Variants in ATRNL1 observed in about 807,000 individuals in gnomAD.
ATRNL1 encodes the protein attractin-like protein 1.
Under a neutral mutation model 182.7 loss-of-function variants are expected in ATRNL1, and 95 were observed. That is an observed-to-expected ratio of 0.52 (90% CI 0.44 to 0.62). The LOEUF is 0.62. Ranked by LOEUF, ATRNL1 falls within the 20% of genes least tolerant of loss-of-function variation. ATRNL1 has a pLI of 0.00. For missense variants in ATRNL1, 1,471 were observed against 1,679.5 expected, an observed-to-expected ratio of 0.88 and a Z score of 2.17; for synonymous variants, 576 against 568.3, an observed-to-expected ratio of 1.01 and a Z score of -0.19.
intron 27 of ATRNL1, 39 bp downstream of exon 27, chr10:115,727,394 G>A (rs1555060586): frequency 1.4e-6 from 2 of 1,480,670 alleles, no homozygotes; most frequent in Admixed American, 1.7e-5. Context: ...ACTGTGCTTT[G>A]CATATTTATT....
intron 26 of ATRNL1, among the ~76,000 whole-genome samples, chr10:115,684,444 TTC>T (rs1349020634): frequency 1.4e-5 from 2 of 144,900 alleles, no homozygotes; most frequent in African/African-American, 2.4e-5. Context: ...TAAAAAAAGT[TTC>T]TGTTTTTTTT....
At chr10:115,240,546 C>T (rs1850374996) in intron 9 of ATRNL1, among the ~76,000 whole-genome samples, 2 of 151,996 alleles carry the variant, frequency 1.3e-5, no homozygotes, top group Non-Finnish European at 2.9e-5. Flanking sequence ...GAGACAACAC[C>T]ACGCCTGGCT....
chr10:115,470,581 T>C (rs888988051), intron 24 of ATRNL1, among the ~76,000 whole-genome samples: 1 of 150,658 alleles, frequency 6.6e-6, no homozygotes, highest in Non-Finnish European at 1.5e-5. Context: ...TATTTTAAAT[T>C]GCTTCCTATC....
intron 9 of ATRNL1, among the ~76,000 whole-genome samples, chr10:115,228,828 C>A (rs1849809972): frequency 6.8e-6 from 1 of 147,574 alleles, no homozygotes; most frequent in African/African-American, 2.5e-5. Context: ...TGCAGTGGCA[C>A]AATCTCGGCT....
chr10:115,474,818 A>C lies in ATRNL1; in HGVS notation c.3654+5489A>C, dbSNP rs376914042. 2.5e-4 allele frequency among the ~76,000 whole-genome samples: 38 copies of C among 151,606 alleles called. 1 individual carries two copies. In the South Asian group the frequency reaches 7.7e-3, roughly 31 times the overall value. On this transcript the variant is annotated intron_variant, in intron 24 of 28. Transcript: ENST00000355044. ...AAATAGCCCTTTTTGAATAATTACAAAGTAAACAGTTCTTCAATACCCTGC... is the reference window on the plus strand; with the variant it reads ...AAATAGCCCTTTTTGAATAATTACACAGTAAACAGTTCTTCAATACCCTGC...
intron 17 of ATRNL1, among the ~76,000 whole-genome samples, 183 bp downstream of exon 17, chr10:115,302,226 C>T (rs1853508216): frequency 6.6e-6 from 1 of 152,114 alleles, no homozygotes; most frequent in African/African-American, 2.4e-5. Flanking sequence ...ATTTTGCATG[C>T]CACTAAGTAT....
intron 21 of ATRNL1, among the ~76,000 whole-genome samples, chr10:115,456,065 AAGAC>A (rs1164514748): frequency 2.6e-5 from 4 of 152,150 alleles, no homozygotes; most frequent in African/African-American, 7.2e-5. Context: ...ACCATTGTGA[AAGAC>A]AGTGTGGCAA....
chr10:115,404,002 C>A (rs1366124919), intron 20 of ATRNL1, among the ~76,000 whole-genome samples: 1 of 152,070 alleles, frequency 6.6e-6, no homozygotes, highest in African/African-American at 2.4e-5. Flanking sequence ...TTAAGGTTGG[C>A]CAGTATGAAA....
chr10:115,317,191 G>A (rs969809367), intron 18 of ATRNL1, among the ~76,000 whole-genome samples: 4 of 152,116 alleles, frequency 2.6e-5, no homozygotes, highest in Non-Finnish European at 1.5e-5. Flanking sequence ...CCCGTTGCTT[G>A]CTTTTGTCAG....
intron 26 of ATRNL1, among the ~76,000 whole-genome samples, chr10:115,564,684 G>A (rs1340131642): frequency 1.3e-5 from 2 of 151,834 alleles, no homozygotes; most frequent in African/African-American, 2.4e-5. Flanking sequence ...ATTGCCACCA[G>A]CATTACCCAC....
At chr10:115,113,805 A>T (rs76930661) in intron 1 of ATRNL1, among the ~76,000 whole-genome samples, 1 of 152,126 alleles carries the variant, frequency 6.6e-6, no homozygotes, top group Non-Finnish European at 1.5e-5. Flanking sequence ...AATGTTTTCT[A>T]AGGGCACCTA....
rs376216384 is a variant in ATRNL1, at chr10:115,171,316, T to A, written c.1348+24T>A. On this transcript the variant is annotated intron_variant, in intron 8 of 28. Transcript: ENST00000355044. The stretch of plus-strand genomic sequence containing the variant: ...CTGTGAGTTACTTAAAAATTGTAAT[T>A]TCTTTATTGATTGGGAATGTTTTTC... 74 of 1,517,106 alleles carry A rather than the reference T, an allele frequency of 4.9e-5. No homozygotes were observed. In the African/African-American group the frequency reaches 7.7e-4, roughly 16 times the overall value. The allele number at this position is 1,517,106 out of a possible 1,614,324, so 94.0% of individuals were successfully genotyped here.
chr10:115,496,516 T>C (rs1285732653), intron 24 of ATRNL1, among the ~76,000 whole-genome samples: 2 of 152,206 alleles, frequency 1.3e-5, no homozygotes, highest in African/African-American at 4.8e-5. Flanking sequence ...TTTTTAGCTC[T>C]GTTTATGTGA....
chr10:115,630,770 T>A (rs1592976033), intron 26 of ATRNL1, among the ~76,000 whole-genome samples: 1 of 147,592 alleles, frequency 6.8e-6, no homozygotes, highest in East Asian at 2.0e-4. Flanking sequence ...AATAGATATA[T>A]ATTTAATAGA....
At chr10:115,668,207 C>T (rs1861113128) in intron 26 of ATRNL1, among the ~76,000 whole-genome samples, 1 of 152,054 alleles carries the variant, frequency 6.6e-6, no homozygotes, top group Non-Finnish European at 1.5e-5. Context: ...GTGTGACTCC[C>T]CGGTTCTTAC....
chr10:115,476,195 T>A (rs11197232), intron 24 of ATRNL1, among the ~76,000 whole-genome samples: 2,656 of 151,454 alleles, frequency 0.018, 32 homozygotes, highest in Middle Eastern at 0.031. Context: ...TTCCAAAATG[T>A]TATTTAATTC....
At chr10:115,166,443 GTAAT>G (rs1251908527) in intron 7 of ATRNL1, among the ~76,000 whole-genome samples, 1 of 151,194 alleles carries the variant, frequency 6.6e-6, no homozygotes, top group Admixed American at 6.6e-5. Flanking sequence ...AAATCGTATG[GTAAT>G]TCTATGTTTA....
intron 5 of ATRNL1, among the ~76,000 whole-genome samples, chr10:115,152,293 A>T (rs1470554219): frequency 6.6e-6 from 1 of 152,160 alleles, no homozygotes; most frequent in African/African-American, 2.4e-5. Context: ...TGAATCTATA[A>T]ATTACCTTTG....
intron 26 of ATRNL1, among the ~76,000 whole-genome samples, chr10:115,619,304 G>C (rs1857598047): frequency 6.6e-6 from 1 of 152,198 alleles, no homozygotes; most frequent in Non-Finnish European, 1.5e-5. Flanking sequence ...TGGGGCCATA[G>C]AGGGCACATG....
Sources: allele counts gnomAD v4.1 joint callset (sites outside exome capture counted in the v4.1 genomes callset), GRCh38; gene constraint gnomAD v4.1.1; transcripts MANE v1.5; gene names NCBI Gene and HGNC (gene_info 2026-07-23, HGNC 2026-07-21).